The following PRSS35 variants were observed in gnomAD, a reference collection of about 807,000 sequenced individuals.
PRSS35 encodes serine protease 35.
In PRSS35, 7 loss-of-function variants were observed where a neutral mutation model predicts 8.1. The ratio of observed to expected loss-of-function variants is 0.86; its 90% CI spans 0.49 to 1.62. The LOEUF is 1.62. Ranked by LOEUF, PRSS35 falls within the 40% of genes most tolerant of loss-of-function variation. The pLI is 0.00. For missense variants in PRSS35, 566 were observed against 518.0 expected, an observed-to-expected ratio of 1.09 and a Z score of -0.90; for synonymous variants, 199 against 188.7, an observed-to-expected ratio of 1.05 and a Z score of -0.45.
intron 1 of PRSS35, among the ~76,000 whole-genome samples, chr6:83,522,236 CTAT>C (rs1771835891): frequency 6.6e-6 from 1 of 152,086 alleles, no homozygotes; most frequent in Non-Finnish European, 1.5e-5. Flanking sequence ...GATATTTTAA[CTAT>C]TAGTTAAAAA....
At chr6:83,518,174 T>C (rs1276070347) in intron 1 of PRSS35, among the ~76,000 whole-genome samples, 1 of 152,216 alleles carries the variant, frequency 6.6e-6, no homozygotes, top group Non-Finnish European at 1.5e-5. Flanking sequence ...AATCTTTCAT[T>C]AGTTTGTCTG....
At chr6:83,518,962 AGTG>A (rs1471820964) in intron 1 of PRSS35, among the ~76,000 whole-genome samples, 1 of 152,212 alleles carries the variant, frequency 6.6e-6, no homozygotes, top group African/African-American at 2.4e-5. Context: ...ATGCCTCATA[AGTG>A]GTGAAAAGGG....
chr6:83,523,630 C>A lies in PRSS35; in HGVS notation c.189C>A (p.Gly63=). ...DAKMMVNTVC[G]IECQKELPTP... ...AGATGATGGTAAATACAGTGTGTGG[C>A]ATCGAATGCCAGAAAGAACTCCCAA... Residue 63 remains glycine, a synonymous_variant, in exon 2 of 2, where the codon GGC becomes GGA. Coordinates refer to ENST00000369700, the MANE Select transcript of PRSS35 (RefSeq NM_153362.3). 1.2e-6 allele frequency: 2 copies of A among 1,614,160 alleles called. No homozygotes were observed. The highest frequency in any genetic ancestry group is 1.7e-6 in the Non-Finnish European group (2 of 1,180,028).
intron 1 of PRSS35, among the ~76,000 whole-genome samples, chr6:83,516,630 A>T (rs1771723747): frequency 6.9e-6 from 1 of 143,980 alleles, no homozygotes; most frequent in Admixed American, 7.1e-5. Context: ...TTCTGTTTTT[A>T]GTTTTAAATT....
Position 83,524,292 on chromosome 6 carries a change from G to C in PRSS35, c.851G>C (p.Arg284Pro), listed in dbSNP as rs113543482. 3 of 1,614,122 alleles carry C rather than the reference G, an allele frequency of 1.9e-6. No individual in the cohort carries two copies. Among genetic ancestry groups the C allele is most frequent in the Non-Finnish European group, 2.5e-6 (3 of 1,180,026 alleles). ...DYDYALLELKRAHKKKYMELG... is the reference protein window; with the variant it reads ...DYDYALLELKPAHKKKYMELG... ...GACTATGCTCTTCTGGAGCTGAAGCGTGCTCACAAAAAGAAATACATGGAA... is the reference window on the plus strand; with the variant it reads ...GACTATGCTCTTCTGGAGCTGAAGCCTGCTCACAAAAAGAAATACATGGAA... The change falls in exon 2 of 2, where the codon CGT becomes CCT. Residue 284 changes from arginine to proline, a missense_variant. By Grantham distance (103) the Arg-to-Pro change is moderately radical. Coordinates refer to ENST00000369700, the MANE Select transcript of PRSS35 (RefSeq NM_153362.3).
rs1027881372 is a variant in PRSS35 at position 83,520,158 on chromosome 6, G to A, written c.-20-3264G>A. ...TTTGATATTGTCAGTTGCTAACATA[G>A]TAAAAGCATAAAGTCAGAATAAATT... On this transcript the variant is annotated intron_variant, in intron 1 of 1. Transcript: ENST00000369700. Among the ~76,000 whole-genome samples the A allele has an allele frequency of 5.3e-5, 8 of 152,134 alleles. No individual in the cohort carries two copies. The East Asian group carries it at 1.5e-3, about 29-fold the overall frequency.
At position 83,523,413 on chromosome 6, in the gene PRSS35, A is replaced by G. The variant is rs1409960765; in HGVS notation, c.-20-9A>G. The G allele has an allele frequency of 3.2e-6, 5 of 1,576,832 alleles. No homozygotes were observed. Among genetic ancestry groups the G allele is most frequent in the African/African-American group, 1.4e-5 (1 of 72,962 alleles). On this transcript the variant is annotated splice_polypyrimidine_tract_variant and intron_variant, in intron 1 of 1. Transcript: ENST00000369700. ...ACATTATAAACCTCTCTCTTTTTCT[A>G]TTTTTAAGGACAAAATTAGAAGATC... is the stretch of plus-strand genomic sequence containing the variant.
rs1210449909 is a variant in PRSS35 at position 83,523,610 on chromosome 6, A to T, written c.169A>T (p.Met57Leu). Residue 57 changes from methionine (M) to leucine (L), a missense_variant, in exon 2 of 2, where the codon ATG becomes TTG. Met to Leu is a conservative substitution (Grantham distance 15). Coordinates refer to ENST00000369700, the MANE Select transcript of PRSS35 (RefSeq NM_153362.3). Reference protein sequence around the residue: ...SPAFEADAKMMVNTVCGIECQ... With the variant: ...SPAFEADAKMLVNTVCGIECQ... The stretch of plus-strand genomic sequence containing the variant: ...CGCATTTGAGGCAGATGCTAAGATG[A>T]TGGTAAATACAGTGTGTGGCATCGA... 5.0e-6 allele frequency: 8 copies of T among 1,614,198 alleles called. No individual in the cohort carries two copies. The South Asian group carries it at 5.5e-5, about 11-fold the overall frequency.
intron 1 of PRSS35, among the ~76,000 whole-genome samples, chr6:83,513,832 A>G (rs530661164): frequency 2.0e-5 from 3 of 152,320 alleles, no homozygotes; most frequent in Admixed American, 1.3e-4. Flanking sequence ...TGTTCATTAG[A>G]TGTTAAAATA....
At chr6:83,516,184 AGT>A (rs1163112199) in intron 1 of PRSS35, among the ~76,000 whole-genome samples, 1 of 152,238 alleles carries the variant, frequency 6.6e-6, no homozygotes, top group African/African-American at 2.4e-5. Flanking sequence ...CACCTTTGTA[AGT>A]GTAGCAGTTT....
At chr6:83,516,710 A>C (rs79789903) in intron 1 of PRSS35, among the ~76,000 whole-genome samples, 1,719 of 151,920 alleles carry the variant, frequency 0.011, 27 homozygotes, top group African/African-American at 0.04. Flanking sequence ...GTTCTAGGAA[A>C]TAATTTTCCT....
Position 83,524,056 on chromosome 6 carries a change from G to A in PRSS35, c.615G>A (p.Arg205=), listed in dbSNP as rs764055591. 8.7e-6 allele frequency: 14 copies of A among 1,614,050 alleles called. No individual in the cohort carries two copies. The highest frequency in any genetic ancestry group is 1.6e-4 in the Middle Eastern group (1 of 6,084). ...GCAAGAAACGTCGAGGTTCTAAGAG[G>A]AGCAGGAGAGAAGCTAGTGGTGGTG... ...SGGKKRRGSK[R]SRREASGGDQ... Residue 205 remains arginine, a synonymous_variant, in exon 2 of 2, where the codon AGG becomes AGA. Coordinates refer to ENST00000369700, the MANE Select transcript of PRSS35 (RefSeq NM_153362.3).
chr6:83,521,672 A>G (rs1771825191), intron 1 of PRSS35, among the ~76,000 whole-genome samples: 1 of 151,560 alleles, frequency 6.6e-6, no homozygotes, highest in African/African-American at 2.4e-5. Flanking sequence ...AATTTTTTAA[A>G]AGTTTTTTTT....
chr6:83,520,404 G>A (rs1361428541), intron 1 of PRSS35, among the ~76,000 whole-genome samples: 1 of 152,196 alleles, frequency 6.6e-6, no homozygotes, highest in Non-Finnish European at 1.5e-5. Context: ...TCTAACAGTA[G>A]GTCTGGGGCA....
At chr6:83,523,282 C>T in intron 1 of PRSS35, 140 bp from the exon 2 acceptor site, 1 of 663,788 alleles carries the variant, frequency 1.5e-6, no homozygotes, top group Non-Finnish European at 2.5e-6. Context: ...TTTATCTAAT[C>T]TCAATAAAAT....
At chr6:83,516,153 CTG>C (rs1379870658) in intron 1 of PRSS35, among the ~76,000 whole-genome samples, 2 of 152,194 alleles carry the variant, frequency 1.3e-5, no homozygotes, top group African/African-American at 4.8e-5. Context: ...GTCAGGCAGA[CTG>C]TTGTAAAAAC....
In PRSS35 at chr6:83,524,769, T is replaced by G. The variant is rs1303736310; in HGVS notation, c.*86T>G. 2.5e-5 allele frequency: 33 copies of G among 1,324,558 alleles called. No homozygotes were observed. The highest frequency in any genetic ancestry group is 3.3e-5 in the Non-Finnish European group (32 of 976,804). 82.1% of individuals were successfully genotyped at this position (1,324,558 alleles called of 1,614,324 possible). ...CGTAGTGAGATCACTTCATAGGTTA[T>G]GCCTGGACTTGAACTCTGTCAATAG... On this transcript the variant is annotated 3_prime_UTR_variant, in exon 2 of 2. Transcript: ENST00000369700.
In PRSS35 at chr6:83,524,313, T is replaced by C; in HGVS notation, c.872T>C (p.Met291Thr). Residue 291 changes from methionine to threonine, a missense_variant, in exon 2 of 2, where the codon ATG (methionine) becomes ACG (threonine). Coordinates refer to ENST00000369700, the MANE Select transcript of PRSS35 (RefSeq NM_153362.3). ...AAGCGTGCTCACAAAAAGAAATACA[T>C]GGAACTTGGAATCAGCCCAACGATC... ...ELKRAHKKKYMELGISPTIKK... is the reference protein window; with the variant it reads ...ELKRAHKKKYTELGISPTIKK... 6.2e-7 allele frequency: 1 copy of C among 1,614,032 alleles called. No individual in the cohort carries two copies. Among genetic ancestry groups the C allele is most frequent in the Non-Finnish European group, 8.5e-7 (1 of 1,180,018 alleles).
intron 1 of PRSS35, among the ~76,000 whole-genome samples, chr6:83,522,280 G>A (rs78394078): frequency 0.013 from 1,951 of 152,050 alleles, 26 homozygotes; most frequent in Admixed American, 0.02. Flanking sequence ...AAATACTAGC[G>A]ACACAGAGGT....
Sources: gnomAD v4.1 joint callset for allele counts (sites outside exome capture counted in the v4.1 genomes callset) on GRCh38, gnomAD v4.1.1 for gene constraint, MANE v1.5 for transcripts, NCBI Gene and HGNC (gene_info 2026-07-23, HGNC 2026-07-21) for gene names.